Variants in PDS5B observed in about 807,000 individuals in gnomAD.
PDS5B encodes PDS5 cohesin associated factor B.
Under a neutral mutation model 184.1 loss-of-function variants are expected in PDS5B, and 51 were observed. The observed-to-expected ratio is 0.28, with a 90% CI of 0.22 to 0.35. The LOEUF is 0.35. Among genes scored for constraint, PDS5B ranks in the 10% least tolerant of loss-of-function variants. The probability of loss-of-function intolerance (pLI) is 1.00; values close to 1 mark genes in which losing one functional copy is unlikely to be tolerated. For missense variants in PDS5B, 1,180 were observed against 1,723.3 expected (o/e 0.68, Z 5.58); for synonymous variants, 566 against 569.2 (o/e 0.99, Z 0.08).
intron 1 of PDS5B, among the ~76,000 whole-genome samples, chr13:32,633,789 T>C (rs17077698): frequency 0.01 from 1,594 of 152,322 alleles, 40 homozygotes; most frequent in African/African-American, 0.036. Flanking sequence ...GAATATTTGT[T>C]TATCTTTATG....
At chr13:32,661,120 A>G (rs1433761396) in intron 6 of PDS5B, among the ~76,000 whole-genome samples, 3 of 152,210 alleles carry the variant, frequency 2.0e-5, no homozygotes, top group Admixed American at 6.5e-5. Flanking sequence ...GCAGTAGCTC[A>G]TACCTGTAAT....
chr13:32,620,799 T>G (rs1217888258), intron 1 of PDS5B, among the ~76,000 whole-genome samples: 1 of 152,230 alleles, frequency 6.6e-6, no homozygotes, highest in Non-Finnish European at 1.5e-5. Context: ...GCTTTTCTTT[T>G]TATTGTTATT....
At chr13:32,595,933 G>A (rs1268402833) in intron 1 of PDS5B, among the ~76,000 whole-genome samples, 3 of 152,110 alleles carry the variant, frequency 2.0e-5, no homozygotes, top group Non-Finnish European at 4.4e-5. Flanking sequence ...AGATTTCAGC[G>A]CATTGTAGAT....
intron 19 of PDS5B, among the ~76,000 whole-genome samples, chr13:32,722,395 C>T (rs1006029642): frequency 1.3e-5 from 2 of 152,082 alleles, no homozygotes; most frequent in Non-Finnish European, 2.9e-5. Context: ...TTATCTTTTA[C>T]ACCATATTTT....
chr13:32,753,865 C>G (rs1954075454), intron 25 of PDS5B, among the ~76,000 whole-genome samples: 1 of 152,044 alleles, frequency 6.6e-6, no homozygotes, highest in Non-Finnish European at 1.5e-5. Context: ...AAGTACAAGA[C>G]TTTGATCTTT....
At chr13:32,639,897 CTG>C (rs1161798444) in intron 1 of PDS5B, among the ~76,000 whole-genome samples, 3 of 152,308 alleles carry the variant, frequency 2.0e-5, no homozygotes, top group Middle Eastern at 3.4e-3. Flanking sequence ...ATTTCTGTGA[CTG>C]TGAATTTTTA....
intron 10 of PDS5B, among the ~76,000 whole-genome samples, chr13:32,682,095 G>A (rs549071317): frequency 1.3e-5 from 2 of 152,218 alleles, no homozygotes; most frequent in Admixed American, 6.5e-5. Context: ...AATTGATAAG[G>A]TATTTGGATG....
At chr13:32,716,124 G>A (rs1425853083) in intron 19 of PDS5B, among the ~76,000 whole-genome samples, 2 of 147,718 alleles carry the variant, frequency 1.4e-5, no homozygotes, top group South Asian at 2.2e-4. Context: ...GCCGCCCATC[G>A]TCTGGGACGT....
At chr13:32,699,300 C>A (rs1357183542) in intron 15 of PDS5B, among the ~76,000 whole-genome samples, 1 of 152,110 alleles carries the variant, frequency 6.6e-6, no homozygotes, top group Admixed American at 6.5e-5. Flanking sequence ...TATGTAAACT[C>A]TCTGGGTTGG....
At chr13:32,660,374 A>C (rs1449802272) in intron 6 of PDS5B, among the ~76,000 whole-genome samples, 1 of 152,228 alleles carries the variant, frequency 6.6e-6, no homozygotes, top group Admixed American at 6.5e-5. Flanking sequence ...CTGCTGGGCA[A>C]ATGAACACCT....
At chr13:32,626,790 A>G (rs752946977) in intron 1 of PDS5B, among the ~76,000 whole-genome samples, 1 of 152,212 alleles carries the variant, frequency 6.6e-6, no homozygotes. Context: ...AGAATACATA[A>G]CAGTTCTGTT....
At chr13:32,687,630 G>A (rs763908042) in intron 12 of PDS5B, among the ~76,000 whole-genome samples, 2 of 152,110 alleles carry the variant, frequency 1.3e-5, no homozygotes, top group African/African-American at 4.8e-5. Context: ...TTAAAAAGCT[G>A]TTGAATTTTA....
At chr13:32,749,836 G>A (rs891063839) in intron 24 of PDS5B, among the ~76,000 whole-genome samples, 1 of 151,632 alleles carries the variant, frequency 6.6e-6, no homozygotes, top group African/African-American at 2.4e-5. Flanking sequence ...TATCTGGGGG[G>A]GCGGGGACAT....
At position 32,750,553 on chromosome 13, in the gene PDS5B, T is replaced by TC. The variant is rs1189129716; in HGVS notation, c.2737-2773dup. Among the ~76,000 whole-genome samples, 3 of 151,036 alleles carry TC rather than the reference T, an allele frequency of 2.0e-5. No homozygotes were observed. In the South Asian group the frequency reaches 6.3e-4, roughly 32 times the overall value. ...CTCCCTACAGCTAATTCCCCCCTCC[T>TC]CCCCCCAAAATGGAGTCTTGCTCTG... On this transcript the variant is annotated intron_variant, in intron 24 of 34. Coordinates refer to ENST00000315596, the MANE Select transcript of PDS5B (RefSeq NM_015032.4).
rs146123907 is a variant in PDS5B, at chr13:32,653,488, C to A, written c.312+1481C>A. Among the ~76,000 whole-genome samples, 710 of 152,142 alleles carry A rather than the reference C, an allele frequency of 4.7e-3. 4 individuals carry two copies. The highest frequency in any genetic ancestry group is 0.016 in the African/African-American group (675 of 41,502). The stretch of plus-strand genomic sequence containing the variant: ...GCATGGTTCTTGGACTCATGGAGTT[C>A]TTGATAACTGAAGTGAGGAATGTGC... On this transcript the variant is annotated intron_variant, in intron 3 of 34. Transcript: ENST00000315596.
At chr13:32,717,891 T>C (rs1399123235) in intron 19 of PDS5B, among the ~76,000 whole-genome samples, 1 of 146,748 alleles carries the variant, frequency 6.8e-6, no homozygotes, top group African/African-American at 2.5e-5. Context: ...GTAAAAGATA[T>C]CCTCCCCACC....
chr13:32,645,648 G>A (rs1950199385), intron 1 of PDS5B, among the ~76,000 whole-genome samples: 1 of 152,040 alleles, frequency 6.6e-6, no homozygotes, highest in South Asian at 2.1e-4. Context: ...TTGATTCATT[G>A]ATTATTAAGA....
chr13:32,660,186 C>T (rs1341381371), intron 6 of PDS5B, among the ~76,000 whole-genome samples: 1 of 152,194 alleles, frequency 6.6e-6, no homozygotes, highest in Non-Finnish European at 1.5e-5. Flanking sequence ...CTCTACCCAG[C>T]CCAGCCTCAC....
At chr13:32,604,870 T>C (rs1566240119) in intron 1 of PDS5B, among the ~76,000 whole-genome samples, 2 of 152,228 alleles carry the variant, frequency 1.3e-5, no homozygotes, top group Non-Finnish European at 2.9e-5. Context: ...TAGAGGTGTT[T>C]ATAGTATTCT....
Sources: gnomAD v4.1 joint callset for allele counts (sites outside exome capture counted in the v4.1 genomes callset) on GRCh38, gnomAD v4.1.1 for gene constraint, MANE v1.5 for transcripts, NCBI Gene and HGNC (gene_info 2026-07-23, HGNC 2026-07-21) for gene names.